The following XKR4 variants were observed in gnomAD, a reference collection of about 807,000 sequenced individuals.
XKR4 encodes the protein XK-related protein 4.
In XKR4, 12 loss-of-function variants were observed where a neutral mutation model predicts 53.9. The ratio of observed to expected loss-of-function variants is 0.22; its 90% CI spans 0.14 to 0.36. The LOEUF (loss-of-function observed/expected upper bound fraction) is 0.36, where lower values mean the gene tolerates loss of function less well. Ranked by LOEUF, XKR4 falls within the 10% of genes least tolerant of loss-of-function variation. The pLI is 1.00. For synonymous variants in XKR4, 354 were observed against 362.4 expected, an observed-to-expected ratio of 0.98 and a Z score of 0.26; for missense variants, 799 against 859.5, an observed-to-expected ratio of 0.93 and a Z score of 0.88.
At chr8:55,365,195 C>CGGCT (rs1220733821) in intron 2 of XKR4, among the ~76,000 whole-genome samples, 2 of 152,170 alleles carry the variant, frequency 1.3e-5, no homozygotes, top group Non-Finnish European at 2.9e-5. Context: ...AGGCTGCAGC[C>CGGCT]GGCTCCACTC....
rs374099233 is a variant in XKR4, at chr8:55,131,455, C to T, written c.806+28161C>T. Among the ~76,000 whole-genome samples the T allele has an allele frequency of 7.1e-4, 108 of 152,304 alleles. 2 individuals are homozygous for T. In the South Asian group the frequency reaches 0.022, roughly 31 times the overall value. On this transcript the variant is annotated intron_variant, in intron 1 of 2. Coordinates refer to ENST00000327381, the MANE Select transcript of XKR4 (RefSeq NM_052898.2). ...TTACTTTGTTACACAGTGGAGCATA[C>T]ATCTAATTATTTGTGTAGTGGGAAA...
At chr8:55,125,503 G>A (rs1816452643) in intron 1 of XKR4, among the ~76,000 whole-genome samples, 1 of 152,124 alleles carries the variant, frequency 6.6e-6, no homozygotes, top group South Asian at 2.1e-4. Flanking sequence ...CAAAGTCCTG[G>A]GATTACAGGC....
intron 1 of XKR4, among the ~76,000 whole-genome samples, chr8:55,144,805 CTATTT>C (rs57869559): frequency 0.3 from 41,493 of 138,780 alleles, 6,111 homozygotes; most frequent in South Asian, 0.39. Context: ...AGTATTACCA[CTATTT>C]TATTTTATTT....
At chr8:55,310,287 C>G (rs1819370142) in intron 1 of XKR4, among the ~76,000 whole-genome samples, 1 of 152,174 alleles carries the variant, frequency 6.6e-6, no homozygotes, top group East Asian at 1.9e-4. Context: ...GAATGGGCTC[C>G]GGGGTCAGAC....
chr8:55,397,085 C>A (rs1804529884), intron 2 of XKR4, among the ~76,000 whole-genome samples: 1 of 152,186 alleles, frequency 6.6e-6, no homozygotes, highest in South Asian at 2.1e-4. Context: ...GATTGACTGG[C>A]CTAATTCTAT....
intron 1 of XKR4, among the ~76,000 whole-genome samples, chr8:55,283,357 C>T (rs1276150532): frequency 6.6e-6 from 1 of 152,180 alleles, no homozygotes; most frequent in Non-Finnish European, 1.5e-5. Context: ...ATACCAGCTC[C>T]GTCACCAGCT....
chr8:55,420,205 T>C (rs981977400), intron 2 of XKR4, among the ~76,000 whole-genome samples: 1 of 152,150 alleles, frequency 6.6e-6, no homozygotes, highest in Non-Finnish European at 1.5e-5. Context: ...AGTGAAAAGA[T>C]TGTGCATAAA....
At chr8:55,390,319 G>C (rs1482238834) in intron 2 of XKR4, among the ~76,000 whole-genome samples, 1 of 152,154 alleles carries the variant, frequency 6.6e-6, no homozygotes, top group African/African-American at 2.4e-5. Context: ...ATTAGCAATG[G>C]AAAGCCTAAT....
chr8:55,259,188 C>G (rs1818481753), intron 1 of XKR4, among the ~76,000 whole-genome samples: 1 of 152,224 alleles, frequency 6.6e-6, no homozygotes, highest in African/African-American at 2.4e-5. Context: ...CGGGGACGCA[C>G]CTGGGGTGGG....
At chr8:55,349,357 T>A (rs1338243268) in intron 1 of XKR4, among the ~76,000 whole-genome samples, 2 of 152,164 alleles carry the variant, frequency 1.3e-5, no homozygotes, top group African/African-American at 4.8e-5. Context: ...AATTCCAGAA[T>A]AATGCAAGCT....
At chr8:55,304,190 T>C (rs1400475896) in intron 1 of XKR4, among the ~76,000 whole-genome samples, 1 of 152,226 alleles carries the variant, frequency 6.6e-6, no homozygotes, top group Admixed American at 6.5e-5. Flanking sequence ...GAGATTCTGG[T>C]ATGTTGTGTC....
intron 2 of XKR4, among the ~76,000 whole-genome samples, chr8:55,462,645 G>A (rs1400141566): frequency 2.0e-5 from 3 of 152,140 alleles, no homozygotes; most frequent in Admixed American, 1.3e-4. Flanking sequence ...AAATGTAAAT[G>A]GGCTAAATGC....
At chr8:55,320,987 A>G (rs1014644161) in intron 1 of XKR4, among the ~76,000 whole-genome samples, 5 of 152,190 alleles carry the variant, frequency 3.3e-5, no homozygotes, top group African/African-American at 9.6e-5. Context: ...TTCTTTGCAT[A>G]GAAGAGAAGA....
At chr8:55,502,670 TGTC>T (rs976068542) in intron 2 of XKR4, among the ~76,000 whole-genome samples, 2 of 152,142 alleles carry the variant, frequency 1.3e-5, no homozygotes, top group African/African-American at 4.8e-5. Context: ...ATTCTATGAC[TGTC>T]TTTTTACTCT....
chr8:55,414,144 C>T (rs139626665), intron 2 of XKR4, among the ~76,000 whole-genome samples: 52 of 152,238 alleles, frequency 3.4e-4, no homozygotes, highest in African/African-American at 1.1e-3. Flanking sequence ...AGAGATTATA[C>T]TTGGAAGTCA....
intron 1 of XKR4, among the ~76,000 whole-genome samples, chr8:55,146,723 A>T (rs1390361643): frequency 1.3e-5 from 2 of 152,228 alleles, no homozygotes; most frequent in Non-Finnish European, 2.9e-5. Context: ...AAGACCCCAA[A>T]TATTTTCACT....
rs1160872780 is a variant in XKR4, at chr8:55,534,363, C to CTTTTTTTTTTTTTTTTTTTTTTTTTT, written c.*10139_*10164dup. The CTTTTTTTTTTTTTTTTTTTTTTTTTT allele has an allele frequency of 1.7e-4, 8 of 47,162 alleles. 2 individuals are homozygous for CTTTTTTTTTTTTTTTTTTTTTTTTTT. The highest frequency in any genetic ancestry group is 2.3e-4 in the Non-Finnish European group (6 of 26,632). 2.9% of individuals were successfully genotyped at this position (47,162 alleles called of 1,614,324 possible). On this transcript the variant is annotated 3_prime_UTR_variant, in exon 3 of 3. Transcript: ENST00000327381. The stretch of plus-strand genomic sequence containing the variant: ...GCTCAAAGATCACGAATCTGATATT[C>CTTTTTTTTTTTTTTTTTTTTTTTTTT]TTTTTTTTTTTTTTTTTTTTTTTTT...
rs1563316416 is a variant in XKR4 at position 55,289,633 on chromosome 8, GAAAGAAAGA to G, written c.807-68042_807-68034del. Among the ~76,000 whole-genome samples the G allele has an allele frequency of 3.6e-3, 411 of 115,346 alleles. 7 individuals carry two copies. The highest frequency in any genetic ancestry group is 0.013 in the African/African-American group (390 of 28,952). 75.7% of individuals were successfully genotyped at this position (115,346 alleles called of 152,430 possible). On this transcript the variant is annotated intron_variant, in intron 1 of 2. Transcript: ENST00000327381. Reference sequence around the variant, plus strand: ...AGAAAGAAAGAAAGAAAGAAAGAAAGAAAGAAAGAAAGAAAGGAAGGAAGGAAAAGAAAA... The same window carrying G: ...AGAAAGAAAGAAAGAAAGAAAGAAAGAAGAAAGGAAGGAAGGAAAAGAAAA...
rs373482987 is a variant in XKR4, at chr8:55,502,138, CT to C, written c.1007-21139del. Among the ~76,000 whole-genome samples, 63 of 152,192 alleles carry C rather than the reference CT, an allele frequency of 4.1e-4. 2 individuals carry two copies. The highest frequency in any genetic ancestry group is 1.5e-3 in the African/African-American group (63 of 41,522). ...TTTCAAATATTTTTGATCCATGAAT[CT>C]TTTCAATTTGAAAAATATATTTTTT... On this transcript the variant is annotated intron_variant, in intron 2 of 2. Transcript: ENST00000327381.
Sources: allele counts gnomAD v4.1 joint callset (sites outside exome capture counted in the v4.1 genomes callset), GRCh38; gene constraint gnomAD v4.1.1; transcripts MANE v1.5; gene names NCBI Gene and HGNC (gene_info 2026-07-23, HGNC 2026-07-21).